Variants in NUDT13 observed in about 807,000 individuals in gnomAD.
NUDT13 encodes nudix hydrolase 13.
A neutral mutation model predicts 41.7 loss-of-function variants in NUDT13; 40 were observed. The ratio of observed to expected loss-of-function variants is 0.96; its 90% CI spans 0.75 to 1.25. The LOEUF (loss-of-function observed/expected upper bound fraction) is 1.25, where lower values mean the gene tolerates loss of function less well. Among genes scored for constraint, NUDT13 ranks in the 50% most tolerant of loss-of-function variants. The probability of loss-of-function intolerance (pLI) is 0.00; values close to 1 mark genes in which losing one functional copy is unlikely to be tolerated. For synonymous variants in NUDT13, 145 were observed against 155.5 expected (o/e 0.93, Z 0.50); for missense variants, 390 against 416.1 (o/e 0.94, Z 0.55).
chr10:73,130,380 G>C (rs566329821), intron 8 of NUDT13: 1 of 152,574 alleles, frequency 6.6e-6, no homozygotes, highest in East Asian at 1.9e-4. Context: ...GGAGAATGGC[G>C]TGAACCTGGG....
Position 73,126,841 on chromosome 10 carries a change from T to A in NUDT13, c.858+14T>A, listed in dbSNP as rs1330652579. 1.9e-6 allele frequency: 3 copies of A among 1,611,638 alleles called. No homozygotes were observed. The highest frequency in any genetic ancestry group is 2.5e-6 in the Non-Finnish European group (3 of 1,177,926). On this transcript the variant is annotated intron_variant, in intron 8 of 8. Coordinates refer to ENST00000357321, the MANE Select transcript of NUDT13 (RefSeq NM_015901.6). ...GGGCAGACAGAAGTAAGTTCTCATC[T>A]TCCCTTATACTGTGATATTTCTTTT...
At chr10:73,113,112 C>T (rs1842408937) in intron 1 of NUDT13, among the ~76,000 whole-genome samples, 1 of 152,218 alleles carries the variant, frequency 6.6e-6, no homozygotes, top group African/African-American at 2.4e-5. Context: ...GTCTCGAACT[C>T]CTGACCTCGG....
intron 3 of NUDT13, 152 bp downstream of exon 3, chr10:73,120,309 A>C: frequency 3.1e-6 from 2 of 646,726 alleles, no homozygotes; most frequent in Non-Finnish European, 4.9e-6. Context: ...GCTTCTGCCA[A>C]CTAATAATTT....
At chr10:73,126,230 C>T (rs1365711241) in intron 7 of NUDT13, 1 of 222,606 alleles carries the variant, frequency 4.5e-6, no homozygotes, top group African/African-American at 2.3e-5. Context: ...ATTTTTACTA[C>T]ACTTACTTTA....
intron 2 of NUDT13, among the ~76,000 whole-genome samples, chr10:73,117,267 A>T (rs1429670328): frequency 6.6e-6 from 1 of 152,024 alleles, no homozygotes; most frequent in Non-Finnish European, 1.5e-5. Context: ...AATGAATAAA[A>T]ATAATGAGGT....
chr10:73,110,650 A>T (rs996288486), intron 1 of NUDT13, 83 bp downstream of exon 1: 3 of 152,206 alleles, frequency 2.0e-5, no homozygotes, highest in African/African-American at 4.8e-5. Flanking sequence ...ACTTGAAAAA[A>T]GGTCGTGGTC....
chr10:73,122,109 T>C (rs1589660913), intron 3 of NUDT13, 66 bp from the exon 4 acceptor site: 9 of 1,541,574 alleles, frequency 5.8e-6, no homozygotes, highest in African/African-American at 1.4e-5. Flanking sequence ...GAGTCTAATA[T>C]GGCTGTAGTG....
chr10:73,126,924 C>A, intron 8 of NUDT13, 97 bp downstream of exon 8: 2 of 1,047,536 alleles, frequency 1.9e-6, no homozygotes, highest in Non-Finnish European at 2.9e-6. Context: ...AGTCCAGCAT[C>A]ATCTAGATTA....
chr10:73,119,092 C>G (rs920296719), intron 2 of NUDT13, among the ~76,000 whole-genome samples: 1 of 151,870 alleles, frequency 6.6e-6, no homozygotes, highest in Admixed American at 6.6e-5. Flanking sequence ...GTCATCCAGG[C>G]TGGAGTGCAG....
intron 4 of NUDT13, among the ~76,000 whole-genome samples, chr10:73,122,887 A>G (rs903191206): frequency 2.2e-5 from 3 of 139,526 alleles, no homozygotes; most frequent in African/African-American, 2.7e-5. Flanking sequence ...TGGCCTATAC[A>G]TTTTGTATAT....
intron 4 of NUDT13, 151 bp downstream of exon 4, chr10:73,122,460 TATC>T (rs111380211): frequency 4.1e-5 from 30 of 728,122 alleles, no homozygotes; most frequent in African/African-American, 2.8e-4. Flanking sequence ...TGTCATCTGC[TATC>T]ATCATCATTT....
Position 73,120,033 on chromosome 10 carries a change from G to T in NUDT13, c.99G>T (p.Leu33=). 1.2e-6 allele frequency: 2 copies of T among 1,614,190 alleles called. No homozygotes were observed. Among genetic ancestry groups the T allele is most frequent in the Non-Finnish European group, 1.7e-6 (2 of 1,180,004 alleles). ...CCAAATACAGGTATTTATTTGAACT[G>T]AAGGAAGATGATGATGCATGTAAAA... ...YVTKTRYLFE[L]KEDDDACKKA... is the part of the protein sequence containing the mutation. Residue 33 remains leucine, a synonymous_variant, in exon 3 of 9, where the codon CTG becomes CTT. Coordinates refer to ENST00000357321, the MANE Select transcript of NUDT13 (RefSeq NM_015901.6).
intron 1 of NUDT13, among the ~76,000 whole-genome samples, chr10:73,111,274 G>A (rs940413257): frequency 2.0e-5 from 3 of 151,972 alleles, no homozygotes; most frequent in Non-Finnish European, 4.4e-5. Flanking sequence ...CACCGCGCCC[G>A]GCCTAAAAAA....
chr10:73,124,381 A>T, intron 5 of NUDT13, 61 bp downstream of exon 5: 1 of 1,083,906 alleles, frequency 9.2e-7, no homozygotes, highest in Non-Finnish European at 1.4e-6. Flanking sequence ...GGGCAAATCC[A>T]TGTGTACACA....
chr10:73,130,956 AGAT>A lies in NUDT13; in HGVS notation c.*54_*56del. The A allele has an allele frequency of 6.8e-7, 1 of 1,465,162 alleles. No individual in the cohort carries two copies. Among genetic ancestry groups the A allele is most frequent in the South Asian group, 1.1e-5 (1 of 87,394 alleles). 90.8% of individuals were successfully genotyped at this position (1,465,162 alleles called of 1,614,324 possible). ...TTGGTATTCCTGAGGGACAAACTAG[AGAT>A]CAGTTGACAAAGGAGAAGTGACAAA... On this transcript the variant is annotated 3_prime_UTR_variant, in exon 9 of 9. Transcript: ENST00000357321.
intron 5 of NUDT13, chr10:73,124,851 G>A (rs1842731953): frequency 3.1e-6 from 1 of 326,002 alleles, no homozygotes; most frequent in Non-Finnish European, 5.5e-6. Context: ...ATACATGGGT[G>A]TTCATTTTAT....
Position 73,120,100 on chromosome 10 carries a change from G to A in NUDT13, c.166G>A (p.Ala56Thr), listed in dbSNP as rs1479109686. Residue 56 changes from alanine (A) to threonine (T), a missense_variant, in exon 3 of 9, where the codon GCT (alanine) becomes ACT (threonine). Ala to Thr is a moderately conservative substitution (Grantham distance 58). Transcript: ENST00000357321. ...AGCGTTTTACCTCTTTCATAGTCTG[G>A]CTCCTCTGCTTCAGACTTCAGCACA... ...TGAFYLFHSL[A>T]PLLQTSAHQY... 1.5e-5 allele frequency: 24 copies of A among 1,614,020 alleles called. No individual in the cohort carries two copies. Among genetic ancestry groups the A allele is most frequent in the Non-Finnish European group, 2.0e-5 (24 of 1,180,030 alleles).
chr10:73,124,318 A>G lies in NUDT13; in HGVS notation c.463A>G (p.Thr155Ala), dbSNP rs563900853. ...TGCAAGGGATGCCTCCTTGCTGTCC[A>G]CGGTAGATTCTGATTTCTCATTCTG... Reference protein sequence around the residue: ...LNARDASLLSTAQALLRWHDA... With the variant: ...LNARDASLLSAAQALLRWHDA... Residue 155 changes from threonine to alanine, a missense_variant and splice_region_variant, in exon 5 of 9, where the codon ACG becomes GCG. Physicochemically the swap from Thr to Ala is moderately conservative, Grantham distance 58. Transcript: ENST00000357321. 61 of 1,603,074 alleles carry G rather than the reference A, an allele frequency of 3.8e-5. No homozygotes were observed. The highest frequency in any genetic ancestry group is 8.3e-5 in the Admixed American group (5 of 59,982).
At chr10:73,120,689 A>C (rs1334618809) in intron 3 of NUDT13, among the ~76,000 whole-genome samples, 1 of 152,192 alleles carries the variant, frequency 6.6e-6, no homozygotes, top group Non-Finnish European at 1.5e-5. Context: ...CTGTAATCCC[A>C]GCACTTTGGG....
Sources: allele counts gnomAD v4.1 joint callset (sites outside exome capture counted in the v4.1 genomes callset), GRCh38; gene constraint gnomAD v4.1.1; transcripts MANE v1.5; gene names NCBI Gene and HGNC (gene_info 2026-07-23, HGNC 2026-07-21).